The following MINDY3 variants were observed in gnomAD, a reference collection of about 807,000 sequenced individuals.
MINDY3 encodes MINDY lysine 48 deubiquitinase 3.
A neutral mutation model predicts 69.2 loss-of-function variants in MINDY3; 38 were observed. The observed-to-expected ratio is 0.55, with a 90% confidence interval of 0.42 to 0.72. The LOEUF (loss-of-function observed/expected upper bound fraction) is 0.72, where lower values mean the gene tolerates loss of function less well. MINDY3 is among the 30% of genes least tolerant of loss of function. The probability of loss-of-function intolerance (pLI) is 0.00; values close to 1 mark genes in which losing one functional copy is unlikely to be tolerated. For missense variants in MINDY3, 522 were observed against 519.0 expected, an observed-to-expected ratio of 1.01 and a Z score of -0.06; for synonymous variants, 192 against 180.1, an observed-to-expected ratio of 1.07 and a Z score of -0.53.
chr10:15,853,119 G>A (rs1458922548), intron 1 of MINDY3, among the ~76,000 whole-genome samples: 1 of 152,034 alleles, frequency 6.6e-6, no homozygotes, highest in Non-Finnish European at 1.5e-5. Context: ...TTTGGCAGAA[G>A]GGAAAAAGGA....
intron 14 of MINDY3, among the ~76,000 whole-genome samples, chr10:15,781,554 C>T (rs539578222): frequency 6.6e-6 from 1 of 152,030 alleles, no homozygotes; most frequent in Non-Finnish European, 1.5e-5. Flanking sequence ...CACCTATGTG[C>T]TTTGTCAACG....
At chr10:15,808,565 A>G (rs1488344579) in intron 10 of MINDY3, among the ~76,000 whole-genome samples, 1 of 152,192 alleles carries the variant, frequency 6.6e-6, no homozygotes, top group African/African-American at 2.4e-5. Flanking sequence ...AATTCTCCCT[A>G]CATTCCCAGT....
At chr10:15,790,657 G>A (rs1393816435) in intron 11 of MINDY3, among the ~76,000 whole-genome samples, 1 of 152,128 alleles carries the variant, frequency 6.6e-6, no homozygotes, top group Non-Finnish European at 1.5e-5. Flanking sequence ...GATATTACAG[G>A]TGGAGTCTCC....
Position 15,834,528 on chromosome 10 carries a change from AT to A in MINDY3, c.650+14del. 1 of 1,585,668 alleles carries A rather than the reference AT, an allele frequency of 6.3e-7. No homozygotes were observed. The highest frequency in any genetic ancestry group is 8.6e-7 in the Non-Finnish European group (1 of 1,158,294). On this transcript the variant is annotated intron_variant, in intron 7 of 14. Coordinates refer to ENST00000277632, the MANE Select transcript of MINDY3 (RefSeq NM_024948.4). ...TGGAGTTCACATGAGGAGACAAGAG[AT>A]TTTAGTTAATTACCTGCCATGTCCA... is the stretch of plus-strand genomic sequence containing the variant.
intron 1 of MINDY3, among the ~76,000 whole-genome samples, chr10:15,851,491 GT>G (rs1285352277): frequency 6.6e-6 from 1 of 151,720 alleles, no homozygotes; most frequent in Non-Finnish European, 1.5e-5. Flanking sequence ...CCTTGTAAAT[GT>G]TTCTTCTGCT....
chr10:15,793,326 A>G (rs779884420), intron 11 of MINDY3, among the ~76,000 whole-genome samples: 66 of 152,140 alleles, frequency 4.3e-4, no homozygotes, highest in Non-Finnish European at 7.4e-4. Context: ...AACTGAGCCA[A>G]TTATCTAGAG....
At position 15,786,583 on chromosome 10, in the gene MINDY3, A is replaced by G; in HGVS notation, c.1094T>C (p.Leu365Pro). 6.3e-7 allele frequency: 1 copy of G among 1,585,414 alleles called. No homozygotes were observed. The highest frequency in any genetic ancestry group is 8.7e-7 in the Non-Finnish European group (1 of 1,155,286). ...TACCTGATCAGGAAAAAATTCTTGA[A>G]GAAATGGGCCCAATAATATGATTCC... is the stretch of plus-strand genomic sequence containing the variant. The part of the protein sequence containing the change: ...GLGIILLGPF[L>P]QEFFPDQGSS... Residue 365 changes from leucine (L) to proline (P), a missense_variant, in exon 13 of 15, where the codon CTT becomes CCT. Transcript: ENST00000277632.
rs373155182 is a variant in MINDY3, at chr10:15,836,105, G to A, written c.576+1099C>T. On this transcript the variant is annotated intron_variant, in intron 6 of 14. Transcript: ENST00000277632. ...ATATTCTAAGTCTTTTCTTACATAT[G>A]TGCCCAGTCTCATCTTCCACAGTTG... Among the ~76,000 whole-genome samples, 292 of 152,110 alleles carry A rather than the reference G, an allele frequency of 1.9e-3. 9 individuals carry two copies. In the South Asian group the frequency reaches 0.051, roughly 27 times the overall value.
intron 9 of MINDY3, among the ~76,000 whole-genome samples, chr10:15,819,801 T>C (rs1399100066): frequency 6.6e-6 from 1 of 152,210 alleles, no homozygotes; most frequent in Non-Finnish European, 1.5e-5. Flanking sequence ...AAAACCATAG[T>C]TAACTGCTAA....
At chr10:15,829,997 C>A (rs2132039354) in intron 8 of MINDY3, among the ~76,000 whole-genome samples, 1 of 152,256 alleles carries the variant, frequency 6.6e-6, no homozygotes, top group South Asian at 2.1e-4. Context: ...CACTTGGCCT[C>A]TGTGAGACAA....
intron 6 of MINDY3, among the ~76,000 whole-genome samples, chr10:15,836,826 A>G (rs116054555): frequency 0.016 from 2,472 of 151,988 alleles, 81 homozygotes; most frequent in African/African-American, 0.057. Flanking sequence ...ATCGTGAGAC[A>G]TTATAGAAAG....
chr10:15,850,438 G>C (rs1036853190), intron 1 of MINDY3, among the ~76,000 whole-genome samples: 1 of 152,296 alleles, frequency 6.6e-6, no homozygotes, highest in Admixed American at 6.5e-5. Context: ...AAATATTGCT[G>C]AATTCTTTTT....
intron 11 of MINDY3, 31 bp downstream of exon 11, chr10:15,796,069 A>C (rs747508743): frequency 1.3e-6 from 2 of 1,540,274 alleles, no homozygotes; most frequent in Admixed American, 3.4e-5. Flanking sequence ...ATGAAGACAT[A>C]AAACACAGAG....
At chr10:15,786,201 C>T (rs373051591) in intron 13 of MINDY3, among the ~76,000 whole-genome samples, 1 of 152,190 alleles carries the variant, frequency 6.6e-6, no homozygotes, top group Non-Finnish European at 1.5e-5. Flanking sequence ...CTACTACCCA[C>T]AGCCACCTTG....
chr10:15,796,557 G>T (rs1837853015), intron 10 of MINDY3, among the ~76,000 whole-genome samples: 1 of 149,634 alleles, frequency 6.7e-6, no homozygotes, highest in Non-Finnish European at 1.5e-5. Flanking sequence ...CAGGTAAGAA[G>T]AAATAAAATA....
intron 10 of MINDY3, among the ~76,000 whole-genome samples, chr10:15,807,461 C>A (rs1838715750): frequency 6.6e-6 from 1 of 152,176 alleles, no homozygotes; most frequent in African/African-American, 2.4e-5. Context: ...CAAACACACA[C>A]AATAATCCCC....
intron 9 of MINDY3, among the ~76,000 whole-genome samples, chr10:15,819,650 G>C (rs1370852567): frequency 6.6e-6 from 1 of 152,166 alleles, no homozygotes; most frequent in East Asian, 1.9e-4. Context: ...CTGTACCCCA[G>C]TCCCCAGATG....
chr10:15,841,225 T>G (rs1833444347), intron 4 of MINDY3, among the ~76,000 whole-genome samples: 1 of 151,408 alleles, frequency 6.6e-6, no homozygotes, highest in Non-Finnish European at 1.5e-5. Context: ...ATGCATTTTT[T>G]TTTGCAAAAA....
intron 6 of MINDY3, among the ~76,000 whole-genome samples, chr10:15,835,640 G>T (rs1184512478): frequency 6.6e-6 from 1 of 151,980 alleles, no homozygotes; most frequent in Non-Finnish European, 1.5e-5. Context: ...AACAGAGGAG[G>T]TATCAAACGT....
Sources: allele counts gnomAD v4.1 joint callset (sites outside exome capture counted in the v4.1 genomes callset), GRCh38; gene constraint gnomAD v4.1.1; transcripts MANE v1.5; gene names NCBI Gene and HGNC (gene_info 2026-07-23, HGNC 2026-07-21).